The following NPAS3 variants were observed in gnomAD, a reference collection of about 807,000 sequenced individuals.
NPAS3 encodes the protein neuronal PAS domain protein 3.
A neutral mutation model predicts 73.1 loss-of-function variants in NPAS3; 14 were observed. That is an observed-to-expected ratio of 0.19 (90% CI 0.13 to 0.30). The LOEUF (loss-of-function observed/expected upper bound fraction) is 0.30. NPAS3 is among the 10% of genes least tolerant of loss of function. The pLI is 1.00. For synonymous variants in NPAS3, 620 were observed against 541.5 expected (o/e 1.14, Z -2.01); for missense variants, 1,096 against 1,250.0 (o/e 0.88, Z 1.86).
chr14:33,185,523 G>T (rs1003186691), intron 2 of NPAS3, among the ~76,000 whole-genome samples: 1 of 152,116 alleles, frequency 6.6e-6, no homozygotes, highest in East Asian at 1.9e-4. Context: ...ATTCAGTTTG[G>T]AGTTAATCTG....
chr14:33,446,207 C>T (rs1212176261), intron 4 of NPAS3, among the ~76,000 whole-genome samples: 1 of 132,396 alleles, frequency 7.6e-6, no homozygotes, highest in African/African-American at 2.9e-5. Flanking sequence ...CTCGCTCTGT[C>T]GCCCAGGCCG....
intron 4 of NPAS3, among the ~76,000 whole-genome samples, chr14:33,552,580 TAC>T (rs2055168581): frequency 6.6e-6 from 1 of 151,582 alleles, no homozygotes; most frequent in Admixed American, 6.6e-5. Context: ...ATATATAACA[TAC>T]ATATAATGAA....
rs767189535 is a variant in NPAS3 at position 33,169,787 on chromosome 14, TA to T, written c.141-45393del. 3.3e-5 allele frequency among the ~76,000 whole-genome samples: 5 copies of T among 152,228 alleles called. 1 individual carries two copies. The highest frequency in any genetic ancestry group is 1.3e-4 in the Admixed American group (2 of 15,284). ...TCTGTGTTATGCAAATGAATAGTCA[TA>T]AGCTTTTGTATGAAAGCAGTTTAAC... On this transcript the variant is annotated intron_variant, in intron 2 of 11. Coordinates refer to ENST00000356141, the Ensembl canonical transcript of NPAS3.
intron 4 of NPAS3, among the ~76,000 whole-genome samples, chr14:33,396,608 T>C (rs2047233161): frequency 6.6e-6 from 1 of 152,144 alleles, no homozygotes; most frequent in Admixed American, 6.6e-5. Context: ...TTCTCTATGA[T>C]ATCACATTCA....
intron 3 of NPAS3, among the ~76,000 whole-genome samples, chr14:33,221,288 C>A (rs574584915): frequency 6.6e-6 from 1 of 152,276 alleles, no homozygotes; most frequent in Admixed American, 6.5e-5. Flanking sequence ...CAGAGCAGAT[C>A]ACGTGGCACA....
chr14:33,460,723 C>T lies in NPAS3; in HGVS notation c.468+93455C>T, dbSNP rs575090826. 5.8e-4 allele frequency among the ~76,000 whole-genome samples: 88 copies of T among 152,152 alleles called. No homozygotes were observed. The Middle Eastern group carries it at 0.01, about 18-fold the overall frequency. On this transcript the variant is annotated intron_variant, in intron 4 of 11. Transcript: ENST00000356141. ...CTTTTACTGTTGTTGTGGTTGTCGT[C>T]GTTTTGTTTTTTTACCTACTGGATT...
intron 2 of NPAS3, among the ~76,000 whole-genome samples, chr14:33,070,732 T>C (rs1177273968): frequency 6.6e-6 from 1 of 152,230 alleles, no homozygotes; most frequent in African/African-American, 2.4e-5. Flanking sequence ...CCTGTATTCA[T>C]GTACTGCTGG....
chr14:33,579,054 A>G (rs187290370), intron 5 of NPAS3, among the ~76,000 whole-genome samples: 1 of 152,226 alleles, frequency 6.6e-6, no homozygotes, highest in African/African-American at 2.4e-5. Flanking sequence ...GCCAGAAACA[A>G]TATTAAGCCC....
At chr14:33,091,158 A>T (rs1441919108) in intron 2 of NPAS3, among the ~76,000 whole-genome samples, 2 of 152,210 alleles carry the variant, frequency 1.3e-5, no homozygotes, top group Non-Finnish European at 2.9e-5. Flanking sequence ...ACTGAAGGAG[A>T]TAGAGACACA....
intron 6 of NPAS3, among the ~76,000 whole-genome samples, chr14:33,687,285 G>A (rs1269102492): frequency 6.6e-6 from 1 of 152,074 alleles, no homozygotes; most frequent in Non-Finnish European, 1.5e-5. Flanking sequence ...ATATGCTATT[G>A]ATCATGAGCT....
intron 2 of NPAS3, among the ~76,000 whole-genome samples, chr14:33,176,552 C>A (rs1433125568): frequency 6.6e-6 from 1 of 152,180 alleles, no homozygotes; most frequent in Non-Finnish European, 1.5e-5. Flanking sequence ...ATCAAAAATT[C>A]ATTCCTTTAT....
chr14:33,674,897 A>C (rs1373565581), intron 5 of NPAS3, among the ~76,000 whole-genome samples: 1 of 152,106 alleles, frequency 6.6e-6, no homozygotes, highest in Non-Finnish European at 1.5e-5. Flanking sequence ...CGGGACTTGG[A>C]GTTCTGGGGA....
chr14:33,053,409 T>C (rs2040778411), intron 1 of NPAS3, among the ~76,000 whole-genome samples: 1 of 152,194 alleles, frequency 6.6e-6, no homozygotes, highest in African/African-American at 2.4e-5. Flanking sequence ...TGCACTTAAG[T>C]CCTACCTCAA....
intron 2 of NPAS3, among the ~76,000 whole-genome samples, chr14:33,112,440 ATG>A (rs1453427662): frequency 6.6e-6 from 1 of 152,086 alleles, no homozygotes; most frequent in African/African-American, 2.4e-5. Context: ...GCATTTTTTC[ATG>A]TGTCTGTTGG....
intron 4 of NPAS3, among the ~76,000 whole-genome samples, chr14:33,387,166 A>G (rs1272336992): frequency 1.3e-5 from 2 of 152,302 alleles, no homozygotes; most frequent in African/African-American, 4.8e-5. Context: ...ACACATTTAT[A>G]TTCCTTTTGC....
chr14:33,721,783 G>A (rs552957731), intron 6 of NPAS3, among the ~76,000 whole-genome samples: 27 of 152,278 alleles, frequency 1.8e-4, no homozygotes, highest in African/African-American at 6.5e-4. Flanking sequence ...CTACGTATAT[G>A]ATCTGAACCT....
In NPAS3 at chr14:33,652,033, C is replaced by G. The variant is rs377292360; in HGVS notation, c.559-24178C>G. Among the ~76,000 whole-genome samples the G allele has an allele frequency of 9.9e-5, 15 of 152,256 alleles. 1 individual carries two copies. Among genetic ancestry groups the G allele is most frequent in the African/African-American group, 3.4e-4 (14 of 41,552 alleles). ...TTTTGATTTGTTTATTAATCATCAGCTGAGATTTTTGACAAATACGGTTAA... is the reference window on the plus strand; with the variant it reads ...TTTTGATTTGTTTATTAATCATCAGGTGAGATTTTTGACAAATACGGTTAA... On this transcript the variant is annotated intron_variant, in intron 5 of 11. Coordinates refer to ENST00000356141, the Ensembl canonical transcript of NPAS3.
intron 4 of NPAS3, among the ~76,000 whole-genome samples, chr14:33,484,257 G>T (rs2051471541): frequency 6.6e-6 from 1 of 152,148 alleles, no homozygotes; most frequent in Admixed American, 6.5e-5. Flanking sequence ...GTCTGGAGGA[G>T]GAGCTGAGGA....
At chr14:33,782,980 C>G (rs1292802649) in intron 9 of NPAS3, among the ~76,000 whole-genome samples, 2 of 152,198 alleles carry the variant, frequency 1.3e-5, no homozygotes. Flanking sequence ...GTCTCATCGC[C>G]AAATGCAAGC....
Sources: gnomAD v4.1 joint callset for allele counts (sites outside exome capture counted in the v4.1 genomes callset) on GRCh38, gnomAD v4.1.1 for gene constraint, MANE v1.5 for transcripts, NCBI Gene and HGNC (gene_info 2026-07-23, HGNC 2026-07-21) for gene names.